EIF2AK2: variants seen among roughly 807,000 people sequenced by gnomAD.
EIF2AK2 encodes interferon-induced, double-stranded RNA-activated protein kinase.
EIF2AK2 carries 40 observed loss-of-function variants against 70.5 expected under a neutral mutation model. The ratio of observed to expected loss-of-function variants is 0.57; its 90% confidence interval spans 0.44 to 0.74. The LOEUF is 0.74. EIF2AK2 is among the 30% of genes least tolerant of loss of function. The probability of loss-of-function intolerance (pLI) is 0.00; values close to 1 mark genes in which losing one functional copy is unlikely to be tolerated. For synonymous variants in EIF2AK2, 198 were observed against 220.9 expected, an observed-to-expected ratio of 0.90 and a Z score of 0.92; for missense variants, 555 against 644.3, an observed-to-expected ratio of 0.86 and a Z score of 1.50.
rs933079162 is a variant in EIF2AK2, at chr2:37,114,859, G to T, written c.1249C>A (p.Pro417Thr). Residue 417 changes from proline (P) to threonine (T), a missense_variant and splice_region_variant, in exon 14 of 17, where the codon CCA becomes ACA. By Grantham distance (38) the Pro-to-Thr change is conservative. Coordinates refer to ENST00000233057, the MANE Select transcript of EIF2AK2 (RefSeq NM_001135651.3). ...GTATCTACTAAGAATATATTACTTG[G>T]CTATGAAAAAAAAAAATTTAACTTA... ...SKKLIHRDLKPSNIFLVDTKQ... is the reference protein window; with the variant it reads ...SKKLIHRDLKTSNIFLVDTKQ... 3.9e-6 allele frequency: 6 copies of T among 1,544,340 alleles called. No individual in the cohort carries two copies. The highest frequency in any genetic ancestry group is 4.4e-6 in the Non-Finnish European group (5 of 1,148,814).
rs1357005822 is a variant in EIF2AK2 at position 37,099,241 on chromosome 2, G to A, written c.*8032C>T. The A allele has an allele frequency of 6.6e-6, 1 of 152,092 alleles. No individual in the cohort carries two copies. Among genetic ancestry groups the A allele is most frequent in the Non-Finnish European group, 1.5e-5 (1 of 68,008 alleles). 9.4% of individuals were successfully genotyped at this position (152,092 alleles called of 1,614,324 possible). ...TTTCTAATAAACATTTATTTCAAGT[G>A]TTATTTGTTAAACATTTAATTGTTG... is the stretch of plus-strand genomic sequence containing the variant. On this transcript the variant is annotated 3_prime_UTR_variant, in exon 17 of 17. Coordinates refer to ENST00000233057, the MANE Select transcript of EIF2AK2 (RefSeq NM_001135651.3).
intron 11 of EIF2AK2, 131 bp from the exon 12 acceptor site, chr2:37,122,795 A>G (rs914199891): frequency 5.1e-6 from 6 of 1,180,898 alleles, no homozygotes; most frequent in African/African-American, 3.1e-5. Flanking sequence ...ACATAGTTTT[A>G]GAATGGAAGC....
intron 8 of EIF2AK2, among the ~76,000 whole-genome samples, chr2:37,137,729 T>C (rs1675176634): frequency 6.6e-6 from 1 of 152,048 alleles, no homozygotes; most frequent in African/African-American, 2.4e-5. Context: ...AGCAAAATCA[T>C]AGGAATATAC....
At chr2:37,109,617 T>C (rs1674078471) in intron 14 of EIF2AK2, 4 of 237,324 alleles carry the variant, frequency 1.7e-5, no homozygotes, top group South Asian at 7.2e-5. Context: ...GCGGCTTGCA[T>C]TGCAACTGTT....
At chr2:37,136,686 G>C in intron 9 of EIF2AK2, 1 of 198,658 alleles carries the variant, frequency 5.0e-6, no homozygotes, top group Admixed American at 5.9e-5. Flanking sequence ...CACTTCTCTT[G>C]AAAACACTTC....
chr2:37,148,643 C>G (rs996573683), intron 2 of EIF2AK2: 1 of 836,414 alleles, frequency 1.2e-6, no homozygotes, highest in Non-Finnish European at 2.1e-6. Context: ...AAATGACATG[C>G]TTTTACTTCA....
intron 14 of EIF2AK2, among the ~76,000 whole-genome samples, chr2:37,113,498 C>CAAAAAA (rs61174879): frequency 7.6e-4 from 25 of 32,938 alleles, no homozygotes; most frequent in South Asian, 1.5e-3. Flanking sequence ...AACTCCATCT[C>CAAAAAA]AAAAAAAAAA....
chr2:37,122,565 G>A lies in EIF2AK2; in HGVS notation c.1008C>T (p.Thr336=), dbSNP rs375984815. The A allele has an allele frequency of 6.8e-6, 11 of 1,613,964 alleles. No individual in the cohort carries two copies. The highest frequency in any genetic ancestry group is 9.3e-6 in the Non-Finnish European group (11 of 1,180,022). Residue 336 remains threonine, a synonymous_variant, in exon 12 of 17, where the codon ACC becomes ACT. Transcript: ENST00000233057. Reference sequence around the variant, plus strand: ...CACTGCTCTCAAGAGAATCATCACTGGTCTCAGGATCATAATCAAATCCAT... The same window carrying A: ...CACTGCTCTCAAGAGAATCATCACTAGTCTCAGGATCATAATCAAATCCAT... The part of the protein sequence containing the change: ...CWDGFDYDPE[T]SDDSLESSDY...
chr2:37,122,562 A>T lies in EIF2AK2; in HGVS notation c.1011T>A (p.Ser337Arg). 1 of 1,614,164 alleles carries T rather than the reference A, an allele frequency of 6.2e-7. No individual in the cohort carries two copies. Among genetic ancestry groups the T allele is most frequent in the Non-Finnish European group, 8.5e-7 (1 of 1,180,020 alleles). Reference sequence around the variant, plus strand: ...AATCACTGCTCTCAAGAGAATCATCACTGGTCTCAGGATCATAATCAAATC... The same window carrying T: ...AATCACTGCTCTCAAGAGAATCATCTCTGGTCTCAGGATCATAATCAAATC... ...WDGFDYDPETSDDSLESSDYD... is the reference protein window; with the variant it reads ...WDGFDYDPETRDDSLESSDYD... The change falls in exon 12 of 17, where the codon AGT becomes AGA. Residue 337 changes from serine to arginine, a missense_variant. Physicochemically the swap from Ser to Arg is moderately radical, Grantham distance 110. This residue lies in a region of EIF2AK2 where 299 missense variants were observed against 375.4 expected (regional missense o/e 0.80). Coordinates refer to ENST00000233057, the MANE Select transcript of EIF2AK2 (RefSeq NM_001135651.3).
intron 4 of EIF2AK2, among the ~76,000 whole-genome samples, chr2:37,142,092 T>C (rs1235377113): frequency 6.6e-6 from 1 of 151,814 alleles, no homozygotes; most frequent in East Asian, 1.9e-4. Flanking sequence ...TCTCTACCTT[T>C]TTTTCTTAGT....
intron 13 of EIF2AK2, among the ~76,000 whole-genome samples, chr2:37,118,714 C>A (rs1674431912): frequency 1.3e-5 from 2 of 152,190 alleles, no homozygotes; most frequent in Admixed American, 6.6e-5. Flanking sequence ...CATATTGGAA[C>A]CAGACAGACT....
intron 1 of EIF2AK2, among the ~76,000 whole-genome samples, chr2:37,153,437 T>C (rs570386184): frequency 6.7e-6 from 1 of 148,188 alleles, no homozygotes; most frequent in African/African-American, 2.5e-5. Context: ...AACTCTGGGC[T>C]CAAGCGATCC....
chr2:37,130,575 C>T (rs1160377564), intron 10 of EIF2AK2, among the ~76,000 whole-genome samples: 1 of 152,162 alleles, frequency 6.6e-6, no homozygotes, highest in African/African-American at 2.4e-5. Context: ...AAATTCTTCC[C>T]AATACTAGCT....
intron 14 of EIF2AK2, among the ~76,000 whole-genome samples, chr2:37,112,601 TACTA>T (rs1165357520): frequency 6.6e-6 from 1 of 152,186 alleles, no homozygotes; most frequent in Non-Finnish European, 1.5e-5. Flanking sequence ...GCTGTTCAAA[TACTA>T]AAGCCTAGTT....
intron 1 of EIF2AK2, among the ~76,000 whole-genome samples, chr2:37,150,155 A>C (rs956961228): frequency 6.6e-6 from 1 of 151,944 alleles, no homozygotes; most frequent in Admixed American, 6.5e-5. Context: ...AAAAAAAAAA[A>C]AACAAACTTC....
chr2:37,135,487 T>G lies in EIF2AK2; in HGVS notation c.782A>C (p.Lys261Thr). 1 of 1,605,630 alleles carries G rather than the reference T, an allele frequency of 6.2e-7. No homozygotes were observed. Among genetic ancestry groups the G allele is most frequent in the Non-Finnish European group, 8.5e-7 (1 of 1,177,126 alleles). Residue 261 changes from lysine (K) to threonine (T), a missense_variant, in exon 10 of 17, where the codon AAG (lysine) becomes ACG (threonine). Transcript: ENST00000233057. The part of the protein sequence containing the change: ...DMKETKYTVD[K>T]RFGMDFKEIE... ...TCTTCAGCACTTAAAATCTTACCTC[T>G]TGTCCACAGTATACTTTGTTTCTTT...
chr2:37,104,613 G>A lies in EIF2AK2; in HGVS notation c.*2660C>T, dbSNP rs1673909618. ...TGGGATAACAGGCATTAGCTACTGC[G>A]TCCAGCTTTTGTCTTTTTAAATATC... On this transcript the variant is annotated 3_prime_UTR_variant, in exon 17 of 17. Coordinates refer to ENST00000233057, the MANE Select transcript of EIF2AK2 (RefSeq NM_001135651.3). The A allele has an allele frequency of 2.6e-5, 4 of 151,932 alleles. No individual in the cohort carries two copies. The highest frequency in any genetic ancestry group is 7.3e-5 in the African/African-American group (3 of 41,360). 9.4% of individuals were successfully genotyped at this position (151,932 alleles called of 1,614,324 possible). A position where few individuals can be genotyped will look rare whatever the true frequency, so the allele number is the denominator to read the frequency against.
intron 10 of EIF2AK2, among the ~76,000 whole-genome samples, chr2:37,132,460 G>A (rs538697571): frequency 2.2e-4 from 33 of 152,234 alleles, no homozygotes; most frequent in Admixed American, 1.4e-3. Flanking sequence ...ATGGTGGTGC[G>A]TGCCTGTAAT....
chr2:37,156,435 A>C (rs764097105), intron 1 of EIF2AK2, among the ~76,000 whole-genome samples: 2 of 152,082 alleles, frequency 1.3e-5, no homozygotes, highest in Non-Finnish European at 2.9e-5. Context: ...CGGAGTGGGA[A>C]CAGGAACTGC....
Sources: gnomAD v4.1 joint callset for allele counts (sites outside exome capture counted in the v4.1 genomes callset) on GRCh38, gnomAD v4.1.1 for gene constraint, gnomAD v4.1.1 regional missense constraint, MANE v1.5 for transcripts, NCBI Gene and HGNC (gene_info 2026-07-23, HGNC 2026-07-21) for gene names.